The following MED27 variants were observed in gnomAD, a reference collection of about 807,000 sequenced individuals.
MED27 encodes the protein mediator complex subunit 27.
A neutral mutation model predicts 38.2 loss-of-function variants in MED27; 30 were observed. That is an observed-to-expected ratio of 0.79 (90% confidence interval 0.59 to 1.07). The LOEUF is 1.07. MED27 is among the 50% of genes least tolerant of loss of function. The pLI is 0.00. For missense variants in MED27, 289 were observed against 397.5 expected (o/e 0.73, Z 2.32); for synonymous variants, 122 against 153.5 (o/e 0.79, Z 1.52).
intron 2 of MED27, among the ~76,000 whole-genome samples, chr9:132,050,771 C>T (rs950458803): frequency 6.6e-6 from 1 of 152,174 alleles, no homozygotes; most frequent in African/African-American, 2.4e-5. Context: ...TCACCCCCGT[C>T]TTTCTGTAGC....
chr9:131,872,396 A>G lies in MED27; in HGVS notation c.724-9256T>C, dbSNP rs111441964. Among the ~76,000 whole-genome samples, 424 of 152,364 alleles carry G rather than the reference A, an allele frequency of 2.8e-3. 3 individuals are homozygous for G. Among genetic ancestry groups the G allele is most frequent in the African/African-American group, 9.8e-3 (407 of 41,582 alleles). ...ATTCGGAGTATTTCCTCACAAGATT[A>G]GTAAACAGGGAAAGTTAAGTACTCA... On this transcript the variant is annotated intron_variant, in intron 6 of 7. Transcript: ENST00000292035. This position sits in a 1 kb window ranked among gnomAD's most constrained non-coding sequence, Gnocchi z 5.6.
At chr9:131,947,091 G>A (rs1278148030) in intron 3 of MED27, among the ~76,000 whole-genome samples, 1 of 152,142 alleles carries the variant, frequency 6.6e-6, no homozygotes, top group African/African-American at 2.4e-5. Flanking sequence ...CGCTAAGCAT[G>A]CCTTAAATAT....
intron 3 of MED27, among the ~76,000 whole-genome samples, chr9:131,963,326 G>A (rs1017100002): frequency 2.0e-5 from 3 of 152,050 alleles, no homozygotes; most frequent in African/African-American, 7.2e-5. Flanking sequence ...GAAACAAAAT[G>A]GCCAGAAATT....
chr9:132,064,353 C>G (rs1392753614), intron 2 of MED27, among the ~76,000 whole-genome samples: 1 of 152,002 alleles, frequency 6.6e-6, no homozygotes, highest in Admixed American at 6.5e-5. Flanking sequence ...GTAAACAGAC[C>G]CAGTCCGAGA....
At chr9:131,871,707 G>A (rs1245257339) in intron 6 of MED27, among the ~76,000 whole-genome samples, 2 of 152,038 alleles carry the variant, frequency 1.3e-5, no homozygotes, top group Non-Finnish European at 2.9e-5. Flanking sequence ...ACACCCCCAC[G>A]CCTGGCTAGT....
intron 3 of MED27, among the ~76,000 whole-genome samples, chr9:131,998,124 G>A (rs908371016): frequency 6.6e-6 from 1 of 151,890 alleles, no homozygotes; most frequent in African/African-American, 2.4e-5. Flanking sequence ...CATTTGCAAA[G>A]AACCAGAAGG....
chr9:131,967,993 A>AT (rs1327945000), intron 3 of MED27, among the ~76,000 whole-genome samples: 3 of 149,796 alleles, frequency 2.0e-5, no homozygotes, highest in Non-Finnish European at 3.0e-5. Context: ...AATTTTTTGT[A>AT]TTTTTTTTAG....
chr9:132,027,803 T>C (rs1185853210), intron 2 of MED27, among the ~76,000 whole-genome samples: 4 of 152,222 alleles, frequency 2.6e-5, no homozygotes, highest in African/African-American at 9.7e-5. Flanking sequence ...TAATGGTATA[T>C]GAGCCATGCT....
chr9:132,060,820 G>C (rs896813486), intron 2 of MED27, among the ~76,000 whole-genome samples: 1 of 152,090 alleles, frequency 6.6e-6, no homozygotes, highest in African/African-American at 2.4e-5. Context: ...ATGGTGGCAG[G>C]TGCCTGTAAT....
chr9:131,907,211 C>A (rs555598194), intron 4 of MED27, among the ~76,000 whole-genome samples: 1 of 151,990 alleles, frequency 6.6e-6, no homozygotes, highest in African/African-American at 2.4e-5. Context: ...CCCTCTCCCT[C>A]TCCCTCTCCC....
chr9:131,861,116 C>T lies in MED27; in HGVS notation c.802-444G>A, dbSNP rs565483555. 7.2e-5 allele frequency among the ~76,000 whole-genome samples: 11 copies of T among 152,104 alleles called. No individual in the cohort carries two copies. In the South Asian group the frequency reaches 8.3e-4, roughly 12 times the overall value. ...CCGAGGACAATTCCAGAGTTCTCCG[C>T]GGAGGTCAACATGCCTTCTAGCTAA... On this transcript the variant is annotated intron_variant, in intron 7 of 7. Transcript: ENST00000292035. The surrounding 1 kb of genome is among the most constrained non-coding windows in gnomAD (Gnocchi z 4.4).
At chr9:131,929,495 T>C (rs1429402118) in intron 4 of MED27, among the ~76,000 whole-genome samples, 1 of 152,092 alleles carries the variant, frequency 6.6e-6, no homozygotes, top group Non-Finnish European at 1.5e-5. Flanking sequence ...TCCACTGCCC[T>C]GAAGGGTGAG....
chr9:131,961,169 G>C (rs1369101442), intron 3 of MED27, among the ~76,000 whole-genome samples: 1 of 152,210 alleles, frequency 6.6e-6, no homozygotes, highest in African/African-American at 2.4e-5. Context: ...TCCAAAGTAA[G>C]TGAGGGTTTT....
chr9:131,961,221 C>T (rs563039363), intron 3 of MED27, among the ~76,000 whole-genome samples: 1 of 152,180 alleles, frequency 6.6e-6, no homozygotes, highest in African/African-American at 2.4e-5. Context: ...CCATCACATG[C>T]CCGTAAAAAT....
chr9:131,961,554 C>T (rs140435577), intron 3 of MED27, among the ~76,000 whole-genome samples: 1 of 152,236 alleles, frequency 6.6e-6, no homozygotes, highest in East Asian at 1.9e-4. Flanking sequence ...TGAGGGTCCG[C>T]TGACAGCCCT....
At chr9:132,022,009 G>A (rs1419241865) in intron 2 of MED27, among the ~76,000 whole-genome samples, 4 of 152,156 alleles carry the variant, frequency 2.6e-5, no homozygotes, top group Admixed American at 2.6e-4. Context: ...TTATTACAGT[G>A]GCCTAAACTA....
At chr9:131,921,378 T>C (rs1016313106) in intron 4 of MED27, among the ~76,000 whole-genome samples, 6 of 152,224 alleles carry the variant, frequency 3.9e-5, no homozygotes, top group African/African-American at 1.4e-4. Context: ...AATTTTCTGG[T>C]TTCTTTTACA....
rs542276161 is a variant in MED27, at chr9:131,982,830, G to C, written c.479+31507C>G. Among the ~76,000 whole-genome samples the C allele has an allele frequency of 1.3e-5, 2 of 152,342 alleles. No homozygotes were observed. Among genetic ancestry groups the C allele is most frequent in the South Asian group, 2.1e-4 (1 of 4,824 alleles). On this transcript the variant is annotated intron_variant, in intron 3 of 7. Coordinates refer to ENST00000292035, the MANE Select transcript of MED27 (RefSeq NM_004269.4). This position sits in a 1 kb window ranked among gnomAD's most constrained non-coding sequence, Gnocchi z 4.3. ...TACAAAAGCAGCCATATGTAATATGGAAATGAATGCGCATGGCTGTGCTCA... is the reference window on the plus strand; with the variant it reads ...TACAAAAGCAGCCATATGTAATATGCAAATGAATGCGCATGGCTGTGCTCA...
At chr9:132,037,159 C>G (rs1055057332) in intron 2 of MED27, among the ~76,000 whole-genome samples, 1 of 152,120 alleles carries the variant, frequency 6.6e-6, no homozygotes, top group Admixed American at 6.5e-5. Context: ...GACTGAGGAG[C>G]GCGCCACACA....
Sources: allele counts gnomAD v4.1 joint callset (sites outside exome capture counted in the v4.1 genomes callset), GRCh38; gene constraint gnomAD v4.1.1; non-coding constraint Gnocchi (gnomAD v3.1); transcripts MANE v1.5; gene names NCBI Gene and HGNC (gene_info 2026-07-23, HGNC 2026-07-21).